Variants in SEMA3E observed in about 807,000 individuals in gnomAD.
SEMA3E encodes semaphorin-3E.
Under a neutral mutation model 93.6 loss-of-function variants are expected in SEMA3E, and 49 were observed. That is an observed-to-expected ratio of 0.52 (90% CI 0.42 to 0.66). The LOEUF is 0.66. SEMA3E is among the 30% of genes least tolerant of loss of function. The probability of loss-of-function intolerance (pLI) is 0.00; values close to 1 mark genes in which losing one functional copy is unlikely to be tolerated. For missense variants in SEMA3E, 906 were observed against 964.8 expected (o/e 0.94, Z 0.81); for synonymous variants, 363 against 330.7 (o/e 1.10, Z -1.06).
chr7:83,600,744 A>G (rs1361588078), intron 1 of SEMA3E, among the ~76,000 whole-genome samples: 2 of 151,944 alleles, frequency 1.3e-5, no homozygotes, highest in Non-Finnish European at 2.9e-5. Context: ...ATCATCACAG[A>G]TAAATAAAAA....
intron 2 of SEMA3E, among the ~76,000 whole-genome samples, chr7:83,481,776 C>G (rs113724632): frequency 1.3e-5 from 2 of 152,216 alleles, no homozygotes; most frequent in African/African-American, 4.8e-5. Context: ...AACACTAATA[C>G]AATACAATAA....
intron 1 of SEMA3E, among the ~76,000 whole-genome samples, chr7:83,573,761 A>G (rs1255783735): frequency 2.0e-5 from 3 of 151,996 alleles, no homozygotes; most frequent in Non-Finnish European, 4.4e-5. Context: ...GATTCATGGT[A>G]TTCTTTATAG....
At chr7:83,579,341 A>G (rs1792472795) in intron 1 of SEMA3E, among the ~76,000 whole-genome samples, 1 of 152,166 alleles carries the variant, frequency 6.6e-6, no homozygotes, top group Non-Finnish European at 1.5e-5. Context: ...GAACAGCTTC[A>G]GGTATTCTTT....
intron 2 of SEMA3E, among the ~76,000 whole-genome samples, chr7:83,480,480 G>A (rs1483538647): frequency 2.0e-5 from 3 of 152,056 alleles, no homozygotes; most frequent in African/African-American, 7.2e-5. Flanking sequence ...TAAAGTCACA[G>A]GGAATGTTTT....
intron 4 of SEMA3E, among the ~76,000 whole-genome samples, chr7:83,443,789 T>C (rs1789167940): frequency 6.6e-6 from 1 of 152,018 alleles, no homozygotes; most frequent in Non-Finnish European, 1.5e-5. Context: ...GTCAACATAA[T>C]ACTCAATTCT....
At chr7:83,573,871 C>A (rs529126820) in intron 1 of SEMA3E, among the ~76,000 whole-genome samples, 4 of 151,758 alleles carry the variant, frequency 2.6e-5, no homozygotes, top group South Asian at 4.2e-4. Flanking sequence ...ATACTATTTT[C>A]TTTAGCATTT....
At chr7:83,381,920 G>A (rs771301988) in intron 16 of SEMA3E, among the ~76,000 whole-genome samples, 2 of 151,910 alleles carry the variant, frequency 1.3e-5, no homozygotes, top group African/African-American at 2.4e-5. Context: ...TTAGAGTGGC[G>A]ATGGTTCAAA....
chr7:83,364,568 A>G lies in SEMA3E; in HGVS notation c.*3018T>C, dbSNP rs1186837513. ...AAGAAAAAATTAGCAATATAGAATTATAGACGTGGAATCACGAAGTAAAAT... is the reference window on the plus strand; with the variant it reads ...AAGAAAAAATTAGCAATATAGAATTGTAGACGTGGAATCACGAAGTAAAAT... On this transcript the variant is annotated 3_prime_UTR_variant, in exon 17 of 17. Coordinates refer to ENST00000643230, the MANE Select transcript of SEMA3E (RefSeq NM_012431.3). 1.3e-5 allele frequency: 2 copies of G among 152,240 alleles called. No individual in the cohort carries two copies. The highest frequency in any genetic ancestry group is 4.8e-5 in the African/African-American group (2 of 41,468). The allele number at this position is 152,240 out of a possible 1,614,324, so 9.4% of individuals were successfully genotyped here.
In SEMA3E at chr7:83,408,377, G is replaced by A; in HGVS notation, c.661C>T (p.Leu221=). 10 of 1,613,726 alleles carry A rather than the reference G, an allele frequency of 6.2e-6. No homozygotes were observed. Among genetic ancestry groups the A allele is most frequent in the Non-Finnish European group, 8.5e-6 (10 of 1,179,818 alleles). The change falls in exon 6 of 17, where the codon CTG becomes TTG. Residue 221 remains leucine (L), a synonymous_variant. Transcript: ENST00000643230. ...HIRTEHDDER[L]LKEPKFVGSY... The stretch of plus-strand genomic sequence containing the variant: ...TTTTCCTCATCCTTACCTTTCAACA[G>A]ACGCTCATCGTCATGCTCAGTGCGG...
chr7:83,503,620 T>C (rs538887163), intron 1 of SEMA3E, among the ~76,000 whole-genome samples: 6 of 152,284 alleles, frequency 3.9e-5, no homozygotes, highest in African/African-American at 1.4e-4. Context: ...TGGTATAGCC[T>C]ACTGCAAACC....
intron 2 of SEMA3E, among the ~76,000 whole-genome samples, chr7:83,485,881 T>C (rs2115959948): frequency 6.6e-6 from 1 of 152,284 alleles, no homozygotes. Context: ...GAATGTATGT[T>C]ATGTATATCC....
chr7:83,409,395 G>T (rs1788392983), intron 5 of SEMA3E, among the ~76,000 whole-genome samples: 1 of 152,112 alleles, frequency 6.6e-6, no homozygotes. Flanking sequence ...CAGTTGTCCT[G>T]TCTGGAGCAA....
At chr7:83,505,866 T>C (rs1351724466) in intron 1 of SEMA3E, among the ~76,000 whole-genome samples, 1 of 151,250 alleles carries the variant, frequency 6.6e-6, no homozygotes, top group Non-Finnish European at 1.5e-5. Context: ...ATACAAAAAA[T>C]TAGCCGGGTG....
At chr7:83,468,075 C>T (rs553184908) in intron 3 of SEMA3E, among the ~76,000 whole-genome samples, 337 of 152,242 alleles carry the variant, frequency 2.2e-3, no homozygotes, top group Non-Finnish European at 3.7e-3. Flanking sequence ...GTTACTGTCA[C>T]GTTTTATAAG....
intron 4 of SEMA3E, among the ~76,000 whole-genome samples, chr7:83,419,605 CTTA>C (rs1304213780): frequency 6.6e-6 from 1 of 152,078 alleles, no homozygotes; most frequent in Admixed American, 6.6e-5. Context: ...TTATTTTTGA[CTTA>C]TTATAATAGC....
chr7:83,607,789 G>C (rs1793158699), intron 1 of SEMA3E, among the ~76,000 whole-genome samples: 1 of 152,152 alleles, frequency 6.6e-6, no homozygotes, highest in Non-Finnish European at 1.5e-5. Context: ...TCTAGGAAAG[G>C]CTGGTGAACT....
chr7:83,546,511 A>G (rs1791654674), intron 1 of SEMA3E, among the ~76,000 whole-genome samples: 1 of 151,918 alleles, frequency 6.6e-6, no homozygotes, highest in Non-Finnish European at 1.5e-5. Flanking sequence ...GACAAAACAT[A>G]ACCAGCATTT....
At chr7:83,627,347 T>A (rs1793689532) in intron 1 of SEMA3E, among the ~76,000 whole-genome samples, 1 of 152,156 alleles carries the variant, frequency 6.6e-6, no homozygotes. Context: ...TAAGTCTCTT[T>A]GTAAGTCTCT....
intron 1 of SEMA3E, among the ~76,000 whole-genome samples, chr7:83,631,389 A>G (rs1489911610): frequency 1.3e-5 from 2 of 151,624 alleles, no homozygotes; most frequent in Admixed American, 6.6e-5. Context: ...CTTCAACTGT[A>G]TGTTAAACTC....
Sources: gnomAD v4.1 joint callset for allele counts (sites outside exome capture counted in the v4.1 genomes callset) on GRCh38, gnomAD v4.1.1 for gene constraint, MANE v1.5 for transcripts, NCBI Gene and HGNC (gene_info 2026-07-23, HGNC 2026-07-21) for gene names.